ATP2C1: variants seen among roughly 807,000 people sequenced by gnomAD.
ATP2C1 encodes ATPase secretory pathway Ca2+ transporting 1, also known as calcium-transporting ATPase type 2C member 1.
Under a neutral mutation model 120.5 loss-of-function variants are expected in ATP2C1, and 31 were observed. The ratio of observed to expected loss-of-function variants is 0.26; its 90% CI spans 0.19 to 0.35. ATP2C1 has a LOEUF of 0.35. Among genes scored for constraint, ATP2C1 ranks in the 10% least tolerant of loss-of-function variants. ATP2C1 has a pLI of 1.00. For synonymous variants in ATP2C1, 351 were observed against 358.7 expected (o/e 0.98, Z 0.24); for missense variants, 731 against 1,107.5 (o/e 0.66, Z 4.83).
At chr3:130,885,302 G>C (rs1213963221) in intron 1 of ATP2C1, among the ~76,000 whole-genome samples, 1 of 152,106 alleles carries the variant, frequency 6.6e-6, no homozygotes, top group Non-Finnish European at 1.5e-5. Flanking sequence ...GCCACTCTGT[G>C]TCTTTTGGTT....
At chr3:130,997,784 C>T (rs1474579896) in intron 25 of ATP2C1, 31 bp downstream of exon 25, 1 of 1,610,062 alleles carries the variant, frequency 6.2e-7, no homozygotes, top group Non-Finnish European at 8.5e-7. Context: ...GCTATATTAA[C>T]ATGAATTCTG....
intron 16 of ATP2C1, 43 bp downstream of exon 16, chr3:130,967,462 C>CCTCA (rs1324614284): frequency 6.7e-7 from 1 of 1,491,932 alleles, no homozygotes; most frequent in South Asian, 1.1e-5. Flanking sequence ...GAGACACTGC[C>CCTCA]CTCACAACAG....
chr3:130,898,799 T>C (rs758552047), intron 2 of ATP2C1, among the ~76,000 whole-genome samples: 1 of 152,266 alleles, frequency 6.6e-6, no homozygotes, highest in Non-Finnish European at 1.5e-5. Context: ...ATTTTGGAGA[T>C]CTTAGTTAGC....
chr3:130,999,784 A>G, intron 27 of ATP2C1, 125 bp downstream of exon 27: 1 of 984,410 alleles, frequency 1.0e-6, no homozygotes, highest in Non-Finnish European at 1.5e-6. Context: ...TTGAAAAAGG[A>G]GTCTATTTTT....
intron 1 of ATP2C1, among the ~76,000 whole-genome samples, chr3:130,869,644 T>C (rs946515755): frequency 1.3e-5 from 2 of 152,144 alleles, no homozygotes; most frequent in Non-Finnish European, 2.9e-5. Context: ...GTGCAGGAAG[T>C]TTGAGCGGTC....
At chr3:130,877,981 C>A (rs1230595207) in intron 1 of ATP2C1, among the ~76,000 whole-genome samples, 1 of 151,928 alleles carries the variant, frequency 6.6e-6, no homozygotes, top group Non-Finnish European at 1.5e-5. Flanking sequence ...AGCTCATGTC[C>A]TTTGTAGGGA....
Position 130,902,284 on chromosome 3 carries a change from G to GTTTTTTTTTTTTT in ATP2C1, c.6+7521_6+7522insTTTTTTTTTTTTT, listed in dbSNP as rs1157956407. Among the ~76,000 whole-genome samples the GTTTTTTTTTTTTT allele has an allele frequency of 1.1e-4, 7 of 65,502 alleles. 2 individuals carry two copies. The highest frequency in any genetic ancestry group is 1.5e-4 in the Non-Finnish European group (5 of 33,536). The allele number at this position is 65,502 out of a possible 152,430, so 43.0% of individuals were successfully genotyped here. ...TTAACTGCTAATTTCAAGGCTTCAC[G>GTTTTTTTTTTTTT]TTTTTTTTTTTTGTTTTTTTTTTTT... is the stretch of plus-strand genomic sequence containing the variant. On this transcript the variant is annotated intron_variant, in intron 2 of 27. Coordinates refer to ENST00000510168, the MANE Select transcript of ATP2C1 (RefSeq NM_001378687.1).
rs569850304 is a variant in ATP2C1, at chr3:130,856,114, T to C, written c.108+5186T>C. The C allele has an allele frequency of 2.6e-5, 4 of 152,344 alleles. No individual in the cohort carries two copies. The South Asian group carries it at 8.3e-4, about 32-fold the overall frequency. The allele number at this position is 152,344 out of a possible 1,614,324, so 9.4% of individuals were successfully genotyped here. A position where few individuals can be genotyped will look rare whatever the true frequency, so the allele number is the denominator to read the frequency against. On this transcript the variant is annotated intron_variant, in intron 1 of 26. Transcript: ENST00000504381. ...GCATGTACTGTAGCTACATTTTAAT[T>C]ACAGAGTAGAATCAAATTTTGTTTT...
At chr3:130,943,105 C>T (rs1224781638) in intron 8 of ATP2C1, among the ~76,000 whole-genome samples, 1 of 152,198 alleles carries the variant, frequency 6.6e-6, no homozygotes, top group African/African-American at 2.4e-5. Context: ...GGTTAATTGA[C>T]TTGACAGTTA....
chr3:130,906,420 A>G (rs1359897992), intron 2 of ATP2C1, among the ~76,000 whole-genome samples: 1 of 152,058 alleles, frequency 6.6e-6, no homozygotes, highest in African/African-American at 2.4e-5. Flanking sequence ...GGATATACAC[A>G]TTTTGTTTAT....
At chr3:130,890,750 GT>G (rs2069142080), upstream of ATP2C1, among the ~76,000 whole-genome samples, 1 of 152,164 alleles carries the variant, frequency 6.6e-6, no homozygotes, top group African/African-American at 2.4e-5. Context: ...TCTGGTAGAT[GT>G]TTGTTAGGAA....
At chr3:130,898,740 T>G (rs2069868705) in intron 2 of ATP2C1, among the ~76,000 whole-genome samples, 1 of 152,150 alleles carries the variant, frequency 6.6e-6, no homozygotes, top group Non-Finnish European at 1.5e-5. Context: ...CAAAGCATTA[T>G]GAAACAAAAT....
At chr3:130,941,515 A>G in intron 7 of ATP2C1, 76 bp from the exon 8 acceptor site, 1 of 1,210,102 alleles carries the variant, frequency 8.3e-7, no homozygotes, top group Non-Finnish European at 1.2e-6. Context: ...AGACAAGCCT[A>G]CTGGAAATAA....
In ATP2C1 at chr3:130,954,075, G is replaced by A. The variant is rs981748250; in HGVS notation, c.687+99G>A. The A allele has an allele frequency of 1.9e-5, 24 of 1,288,520 alleles. No homozygotes were observed. The African/African-American group carries it at 3.4e-4, about 18-fold the overall frequency. 79.8% of individuals were successfully genotyped at this position (1,288,520 alleles called of 1,614,324 possible). A position where few individuals can be genotyped will look rare whatever the true frequency, so the allele number is the denominator to read the frequency against. On this transcript the variant is annotated intron_variant, in intron 9 of 27. Transcript: ENST00000510168. The stretch of plus-strand genomic sequence containing the variant: ...TTTATGTGGAATTTTTCAAATACAT[G>A]ACAAAGGATAAAATTGAACTTAACC...
In ATP2C1 at chr3:130,951,635, A is replaced by G. The variant is rs561666852; in HGVS notation, c.532-2186A>G. On this transcript the variant is annotated intron_variant, in intron 8 of 27. Coordinates refer to ENST00000510168, the MANE Select transcript of ATP2C1 (RefSeq NM_001378687.1). ...TCAAATAAATATGTTTCTTTAATAA[A>G]GAAAAATTCACTTGCCTTTGAACAT... 2.6e-5 allele frequency among the ~76,000 whole-genome samples: 4 copies of G among 152,290 alleles called. No homozygotes were observed. The East Asian group carries it at 7.7e-4, about 29-fold the overall frequency.
chr3:130,932,290 TG>T, intron 4 of ATP2C1, 152 bp downstream of exon 4: 2 of 627,546 alleles, frequency 3.2e-6, no homozygotes, highest in Non-Finnish European at 5.7e-6. Context: ...TGGGGCTTAC[TG>T]TTAGGTTGGA....
intron 11 of ATP2C1, 103 bp from the exon 12 acceptor site, chr3:130,959,172 T>C: frequency 2.5e-6 from 2 of 800,040 alleles, no homozygotes; most frequent in Non-Finnish European, 4.3e-6. Context: ...CTGATATGCT[T>C]TCCCTTTTTT....
intron 20 of ATP2C1, among the ~76,000 whole-genome samples, chr3:130,988,380 C>G (rs1481445547): frequency 6.6e-6 from 1 of 152,038 alleles, no homozygotes; most frequent in African/African-American, 2.4e-5. Context: ...AGAAAAATAC[C>G]CCTTGTAGAT....
upstream of ATP2C1, among the ~76,000 whole-genome samples, chr3:130,893,615 C>T (rs1283070430): frequency 6.6e-6 from 1 of 152,240 alleles, no homozygotes; most frequent in Non-Finnish European, 1.5e-5. Flanking sequence ...GTGACTGCCA[C>T]CCCGACGGGA....
Sources: allele counts gnomAD v4.1 joint callset (sites outside exome capture counted in the v4.1 genomes callset), GRCh38; gene constraint gnomAD v4.1.1; transcripts MANE v1.5; gene names NCBI Gene and HGNC (gene_info 2026-07-23, HGNC 2026-07-21).